Variants in TLCD4 observed in about 807,000 individuals in gnomAD.
The protein encoded by TLCD4 is TLC domain-containing protein 4.
In TLCD4, 7 loss-of-function variants were observed where a neutral mutation model predicts 24.2. The ratio of observed to expected loss-of-function variants is 0.29; its 90% CI spans 0.16 to 0.54. The LOEUF (loss-of-function observed/expected upper bound fraction) is 0.54. TLCD4 is among the 20% of genes least tolerant of loss of function. The probability of loss-of-function intolerance (pLI) is 0.95; values close to 1 mark genes in which losing one functional copy is unlikely to be tolerated. For synonymous variants in TLCD4, 103 were observed against 106.4 expected (o/e 0.97, Z 0.20); for missense variants, 259 against 313.9 (o/e 0.82, Z 1.32).
At chr1:95,170,431 G>A (rs1038898740) in intron 5 of TLCD4, among the ~76,000 whole-genome samples, 1 of 149,046 alleles carries the variant, frequency 6.7e-6, no homozygotes, top group Non-Finnish European at 1.5e-5. Context: ...CCAGGTTCAC[G>A]CCATTCTCCT....
At chr1:95,181,576 TTTAA>T (rs1024257026) in intron 6 of TLCD4, among the ~76,000 whole-genome samples, 12 of 100,482 alleles carry the variant, frequency 1.2e-4, no homozygotes, top group South Asian at 3.4e-4. Context: ...TTTAAATTTG[TTTAA>T]TTATTTATTT....
At chr1:95,110,292 A>G in the TLCD4 span, among the ~76,000 whole-genome samples, 4 of 151,846 alleles carry the variant, frequency 2.6e-5, no homozygotes, top group East Asian at 7.7e-4. Context: ...AGAACGAGCA[A>G]CCCTTTTGTC....
chr1:95,168,058 C>T (rs1416984013), intron 5 of TLCD4, among the ~76,000 whole-genome samples: 4 of 152,148 alleles, frequency 2.6e-5, no homozygotes, highest in African/African-American at 7.2e-5. Flanking sequence ...TTCCATCTAT[C>T]GTTAATTTTA....
At chr1:95,161,950 T>C (rs564474038) in intron 5 of TLCD4, among the ~76,000 whole-genome samples, 36 of 152,316 alleles carry the variant, frequency 2.4e-4, no homozygotes, top group African/African-American at 8.2e-4. Flanking sequence ...AATAGTGCGA[T>C]GTGGTGCTGA....
At chr1:95,148,679 G>C in intron 2 of TLCD4, 23 bp from the exon 3 acceptor site, 3 of 1,611,122 alleles carry the variant, frequency 1.9e-6, no homozygotes, top group Non-Finnish European at 2.5e-6. Flanking sequence ...TAAAATCTTT[G>C]TGTGTATTTT....
chr1:95,139,936 G>A (rs1677153008), intron 1 of TLCD4, among the ~76,000 whole-genome samples: 1 of 152,134 alleles, frequency 6.6e-6, no homozygotes, highest in Non-Finnish European at 1.5e-5. Flanking sequence ...GCCTAGGTCT[G>A]TCAGAACCAT....
the TLCD4 span, among the ~76,000 whole-genome samples, chr1:95,098,262 G>A: frequency 6.6e-6 from 1 of 152,056 alleles, no homozygotes; most frequent in Non-Finnish European, 1.5e-5. Flanking sequence ...ACTAGTCCTC[G>A]CTGCCTCATA....
intron 6 of TLCD4, chr1:95,174,151 C>T: frequency 6.3e-6 from 3 of 476,898 alleles, no homozygotes; most frequent in Non-Finnish European, 1.1e-5. Flanking sequence ...TGCCTGCTTC[C>T]AGCTCATTCT....
chr1:95,111,770 C>A, the TLCD4 span, among the ~76,000 whole-genome samples: 2 of 152,116 alleles, frequency 1.3e-5, no homozygotes, highest in African/African-American at 4.8e-5. Flanking sequence ...CTCTTGGACC[C>A]CTGGGTCCCT....
chr1:95,168,369 T>C (rs970866153), intron 5 of TLCD4, among the ~76,000 whole-genome samples: 2 of 152,110 alleles, frequency 1.3e-5, no homozygotes, highest in Admixed American at 6.5e-5. Context: ...CTGCCTCTTC[T>C]ACTTGCTTAC....
At chr1:95,118,605 A>G (rs1557675051) in intron 1 of TLCD4, among the ~76,000 whole-genome samples, 1 of 152,174 alleles carries the variant, frequency 6.6e-6, no homozygotes, top group African/African-American at 2.4e-5. Flanking sequence ...CGCAGTCATA[A>G]ATGGAGTTGA....
chr1:95,114,475 CA>C (rs1236168715), upstream of TLCD4, among the ~76,000 whole-genome samples: 1 of 152,052 alleles, frequency 6.6e-6, no homozygotes, highest in African/African-American at 2.4e-5. Context: ...GTTTTTCAAA[CA>C]ATTGGTTCTA....
intron 6 of TLCD4, among the ~76,000 whole-genome samples, chr1:95,181,053 C>T (rs933632159): frequency 3.9e-5 from 6 of 152,114 alleles, no homozygotes; most frequent in Non-Finnish European, 2.9e-5. Context: ...GCCGAGATCA[C>T]GCTACTGTAC....
chr1:95,114,998 C>T (rs1676401940), upstream of TLCD4, among the ~76,000 whole-genome samples: 1 of 150,810 alleles, frequency 6.6e-6, no homozygotes, highest in Admixed American at 6.6e-5. Context: ...ATGGTAAATA[C>T]AGAATTCTGA....
At chr1:95,149,267 A>G (rs1677428933) in intron 3 of TLCD4, among the ~76,000 whole-genome samples, 1 of 152,238 alleles carries the variant, frequency 6.6e-6, no homozygotes, top group Admixed American at 6.5e-5. Flanking sequence ...ATGCACTAAT[A>G]ATAACTGTGT....
chr1:95,157,312 A>G (rs1677660059), intron 5 of TLCD4, among the ~76,000 whole-genome samples: 1 of 152,170 alleles, frequency 6.6e-6, no homozygotes, highest in Non-Finnish European at 1.5e-5. Context: ...ATAAATATAT[A>G]ATATGTATAT....
At chr1:95,111,671 A>G in the TLCD4 span, among the ~76,000 whole-genome samples, 15 of 152,232 alleles carry the variant, frequency 9.9e-5, no homozygotes, top group South Asian at 8.3e-4. Context: ...CTTGGAGGAA[A>G]CTTAGCACTT....
chr1:95,161,803 T>A (rs1389419680), intron 5 of TLCD4, among the ~76,000 whole-genome samples: 1 of 152,190 alleles, frequency 6.6e-6, no homozygotes, highest in Non-Finnish European at 1.5e-5. Context: ...TCCATGTAGT[T>A]GAGTGGTTTT....
intron 1 of TLCD4, among the ~76,000 whole-genome samples, chr1:95,132,260 G>A (rs1194051128): frequency 1.3e-5 from 2 of 152,082 alleles, no homozygotes; most frequent in South Asian, 2.1e-4. Context: ...TTCGAGACCA[G>A]CCCGACCAAC....
Sources: gnomAD v4.1 joint callset for allele counts (sites outside exome capture counted in the v4.1 genomes callset) on GRCh38, gnomAD v4.1.1 for gene constraint, MANE v1.5 for transcripts, NCBI Gene and HGNC (gene_info 2026-07-23, HGNC 2026-07-21) for gene names.